The following LRP1B variants were observed in gnomAD, a reference collection of about 807,000 sequenced individuals.
The protein encoded by LRP1B is LDL receptor related protein 1B.
In LRP1B, 217 loss-of-function variants were observed where a neutral mutation model predicts 556.6. The ratio of observed to expected loss-of-function variants is 0.39; its 90% confidence interval spans 0.35 to 0.44. LRP1B has a LOEUF of 0.44. Ranked by LOEUF, LRP1B falls within the 20% of genes least tolerant of loss-of-function variation. LRP1B has a pLI of 1.00. For synonymous variants in LRP1B, 2,047 were observed against 1,865.8 expected (o/e 1.10, Z -2.50); for missense variants, 5,053 against 5,620.8 (o/e 0.90, Z 3.23).
chr2:140,352,839 A>G (rs200661564), intron 76 of LRP1B, 114 bp downstream of exon 76: 292 of 1,032,640 alleles, frequency 2.8e-4, no homozygotes, highest in Non-Finnish European at 3.6e-4. Context: ...ATCATCATTA[A>G]AAGTATTTTA....
At chr2:141,353,264 C>T (rs1688509871) in intron 3 of LRP1B, among the ~76,000 whole-genome samples, 1 of 151,888 alleles carries the variant, frequency 6.6e-6, no homozygotes. Flanking sequence ...CATTGTCTTA[C>T]TCTTGTCATT....
chr2:140,499,225 T>C (rs1173255070), intron 55 of LRP1B, among the ~76,000 whole-genome samples: 2 of 151,904 alleles, frequency 1.3e-5, no homozygotes, highest in Non-Finnish European at 2.9e-5. Context: ...TTTCCAAATA[T>C]GGTATGGCTG....
chr2:140,716,785 G>T lies in LRP1B; in HGVS notation c.5790C>A (p.Gly1930=). 1 of 1,606,144 alleles carries T rather than the reference G, an allele frequency of 6.2e-7. No individual in the cohort carries two copies. ...TTTTAGCTCTGCTAATTTTATTGAA[G>T]CCCATGTCTGTCCAGTAGATGGTAT... ...ENDTIYWTDM[G]FNKISRAKRD... is the part of the protein sequence containing the mutation. Residue 1930 remains glycine, a synonymous_variant, in exon 36 of 91, where the codon GGC becomes GGA. Transcript: ENST00000389484.
At chr2:140,702,638 G>T in intron 37 of LRP1B, 85 bp from the exon 38 acceptor site, 1 of 1,213,810 alleles carries the variant, frequency 8.2e-7, no homozygotes, top group East Asian at 2.4e-5. Flanking sequence ...ACTAATAACA[G>T]CAGTAGCATT....
chr2:140,906,448 C>G (rs1694256730), intron 22 of LRP1B, among the ~76,000 whole-genome samples: 1 of 151,780 alleles, frequency 6.6e-6, no homozygotes, highest in Non-Finnish European at 1.5e-5. Flanking sequence ...CTGTCTTTTG[C>G]CTTTTATTTA....
At chr2:141,227,874 T>G (rs1216673629) in intron 6 of LRP1B, among the ~76,000 whole-genome samples, 1 of 152,180 alleles carries the variant, frequency 6.6e-6, no homozygotes, top group Non-Finnish European at 1.5e-5. Flanking sequence ...ATCACATTTA[T>G]TCTATCACAG....
At chr2:142,008,397 A>G (rs1702860175) in intron 1 of LRP1B, among the ~76,000 whole-genome samples, 2 of 152,156 alleles carry the variant, frequency 1.3e-5, no homozygotes, top group Non-Finnish European at 1.5e-5. Context: ...TAGAAAATGC[A>G]CTGTGTGAGC....
At chr2:140,240,642 C>T (rs1680910770) in intron 87 of LRP1B, among the ~76,000 whole-genome samples, 1 of 150,800 alleles carries the variant, frequency 6.6e-6, no homozygotes, top group Non-Finnish European at 1.5e-5. Flanking sequence ...GAAACAAAGG[C>T]TTTTATCTAC....
At chr2:141,296,016 G>A (rs1476382344) in intron 3 of LRP1B, among the ~76,000 whole-genome samples, 1 of 152,018 alleles carries the variant, frequency 6.6e-6, no homozygotes, top group Non-Finnish European at 1.5e-5. Context: ...ATAACTTTCA[G>A]TTTTCAATCA....
intron 1 of LRP1B, among the ~76,000 whole-genome samples, chr2:141,876,174 T>C (rs966660071): frequency 5.9e-5 from 9 of 152,022 alleles, no homozygotes; most frequent in Non-Finnish European, 1.3e-4. Context: ...TATTTGGACA[T>C]TAAAATCTTA....
chr2:140,785,675 A>G (rs16844675), intron 32 of LRP1B, among the ~76,000 whole-genome samples: 3,066 of 152,226 alleles, frequency 0.02, 113 homozygotes, highest in African/African-American at 0.068. Flanking sequence ...CCAAATCTCA[A>G]TGTTATCCCT....
At chr2:141,116,215 A>T (rs545891282) in intron 7 of LRP1B, among the ~76,000 whole-genome samples, 1 of 152,312 alleles carries the variant, frequency 6.6e-6, no homozygotes, top group African/African-American at 2.4e-5. Flanking sequence ...TTGTTATTAT[A>T]TTAAAATCTG....
intron 3 of LRP1B, among the ~76,000 whole-genome samples, chr2:141,415,578 GATTT>G: frequency 1.3e-5 from 2 of 152,134 alleles, no homozygotes; most frequent in East Asian, 3.9e-4. Flanking sequence ...ATAAAATTTA[GATTT>G]ATTTTATTTT....
At chr2:141,396,587 G>A (rs866961809) in intron 3 of LRP1B, among the ~76,000 whole-genome samples, 2 of 151,880 alleles carry the variant, frequency 1.3e-5, no homozygotes, top group African/African-American at 2.4e-5. Flanking sequence ...ATGCCCTGAC[G>A]TTCTGACACT....
intron 79 of LRP1B, among the ~76,000 whole-genome samples, chr2:140,332,451 G>A (rs1160951892): frequency 6.6e-6 from 1 of 152,044 alleles, no homozygotes; most frequent in African/African-American, 2.4e-5. Flanking sequence ...CAGTGTTGGA[G>A]ACACTGTGGT....
At chr2:141,636,902 T>C (rs1689124622) in intron 2 of LRP1B, among the ~76,000 whole-genome samples, 1 of 152,142 alleles carries the variant, frequency 6.6e-6, no homozygotes, top group Non-Finnish European at 1.5e-5. Context: ...TACATATGTA[T>C]ATATGTAAAT....
rs572107454 is a variant in LRP1B at position 141,034,249 on chromosome 2, T to C, written c.1790-14147A>G. Among the ~76,000 whole-genome samples the C allele has an allele frequency of 2.6e-5, 4 of 152,316 alleles. No individual in the cohort carries two copies. The South Asian group carries it at 8.3e-4, about 32-fold the overall frequency. ...GGAAATTCCCATTATTTCTGATCGC[T>C]GATGGTATATTTTTCAGTTTCCCAG... On this transcript the variant is annotated intron_variant, in intron 11 of 90. Transcript: ENST00000389484.
chr2:140,604,083 C>T (rs1203008038), intron 41 of LRP1B, among the ~76,000 whole-genome samples: 1 of 151,952 alleles, frequency 6.6e-6, no homozygotes, highest in Admixed American at 6.6e-5. Flanking sequence ...AAATAAAATG[C>T]CTATCTACCC....
intron 35 of LRP1B, among the ~76,000 whole-genome samples, chr2:140,765,671 C>T (rs1324103672): frequency 6.6e-6 from 1 of 151,914 alleles, no homozygotes; most frequent in Non-Finnish European, 1.5e-5. Flanking sequence ...ATTGCTTCAT[C>T]TGGTAGAAAA....
Sources: allele counts gnomAD v4.1 joint callset (sites outside exome capture counted in the v4.1 genomes callset), GRCh38; gene constraint gnomAD v4.1.1; transcripts MANE v1.5; gene names NCBI Gene and HGNC (gene_info 2026-07-23, HGNC 2026-07-21).